Variants in DDX10 observed in about 807,000 individuals in gnomAD.
DDX10 encodes the protein DEAD-box helicase 10.
DDX10 carries 74 observed loss-of-function variants against 104.3 expected under a neutral mutation model. That is an observed-to-expected ratio of 0.71 (90% confidence interval 0.59 to 0.86). The LOEUF (loss-of-function observed/expected upper bound fraction) is 0.86, where lower values mean the gene tolerates loss of function less well. DDX10 is among the 40% of genes least tolerant of loss of function. The pLI is 0.00. For synonymous variants in DDX10, 351 were observed against 353.4 expected (o/e 0.99, Z 0.08); for missense variants, 952 against 1,040.0 (o/e 0.92, Z 1.16).
intron 13 of DDX10, among the ~76,000 whole-genome samples, chr11:108,784,918 G>T (rs1261434480): frequency 6.6e-6 from 1 of 152,162 alleles, no homozygotes; most frequent in Non-Finnish European, 1.5e-5. Flanking sequence ...TGGCTAGCCA[G>T]TTACTCTGGT....
chr11:108,707,502 A>G (rs978304406), intron 10 of DDX10, among the ~76,000 whole-genome samples: 2 of 152,238 alleles, frequency 1.3e-5, no homozygotes, highest in East Asian at 1.9e-4. Flanking sequence ...AACAGTTTTT[A>G]TTCACCTACT....
At chr11:108,876,907 A>G (rs1187831716) in intron 16 of DDX10, among the ~76,000 whole-genome samples, 4 of 152,290 alleles carry the variant, frequency 2.6e-5, no homozygotes, top group Admixed American at 1.3e-4. Context: ...CACTACTACT[A>G]GTAGTGTCCA....
intron 17 of DDX10, among the ~76,000 whole-genome samples, chr11:108,935,781 T>C (rs1864029702): frequency 6.6e-6 from 1 of 152,222 alleles, no homozygotes; most frequent in Non-Finnish European, 1.5e-5. Context: ...CTTTTGTGTA[T>C]CCATTTTCAC....
chr11:108,881,219 A>C (rs1425779518), intron 16 of DDX10, among the ~76,000 whole-genome samples: 6 of 152,128 alleles, frequency 3.9e-5, no homozygotes, highest in Non-Finnish European at 8.8e-5. Context: ...CCTCCCCTCC[A>C]AGATGGGGAG....
intron 10 of DDX10, among the ~76,000 whole-genome samples, chr11:108,707,114 T>A (rs2094277216): frequency 6.6e-6 from 1 of 152,176 alleles, no homozygotes; most frequent in South Asian, 2.1e-4. Context: ...CCTATGTTGA[T>A]GTTATTCACC....
At chr11:108,798,954 G>A (rs1256275654) in intron 13 of DDX10, among the ~76,000 whole-genome samples, 1 of 152,022 alleles carries the variant, frequency 6.6e-6, no homozygotes, top group Non-Finnish European at 1.5e-5. Flanking sequence ...TATCTTTTTG[G>A]AGTTCTGTTA....
rs1248197271 is a variant in DDX10, at chr11:108,673,637, A to T, written c.247+110A>T. 4.1e-6 allele frequency: 3 copies of T among 730,810 alleles called. No homozygotes were observed. In the Admixed American group the frequency reaches 8.5e-5, roughly 21 times the overall value. 45.3% of individuals were successfully genotyped at this position (730,810 alleles called of 1,614,324 possible). A position where few individuals can be genotyped will look rare whatever the true frequency, so the allele number is the denominator to read the frequency against. On this transcript the variant is annotated intron_variant, in intron 2 of 17. Transcript: ENST00000322536. Reference sequence around the variant, plus strand: ...AAAAATCTTATTTTGGCAAATTTTGATATCATGAAAACCAATGAAAATAAG... The same window carrying T: ...AAAAATCTTATTTTGGCAAATTTTGTTATCATGAAAACCAATGAAAATAAG...
chr11:108,699,277 A>G (rs2094264149), intron 9 of DDX10, among the ~76,000 whole-genome samples: 1 of 152,202 alleles, frequency 6.6e-6, no homozygotes, highest in Non-Finnish European at 1.5e-5. Context: ...GTTTAAAGCA[A>G]TAACCATTTA....
chr11:108,736,711 C>A (rs1042598846), intron 13 of DDX10, among the ~76,000 whole-genome samples: 1 of 152,130 alleles, frequency 6.6e-6, no homozygotes, highest in Non-Finnish European at 1.5e-5. Flanking sequence ...TGCCCTCTGC[C>A]TTCTGCCATG....
At chr11:108,867,043 T>A (rs1013062556) in intron 16 of DDX10, among the ~76,000 whole-genome samples, 1 of 152,194 alleles carries the variant, frequency 6.6e-6, no homozygotes, top group African/African-American at 2.4e-5. Flanking sequence ...GTGAAAGTTC[T>A]TTCATAATAA....
intron 16 of DDX10, among the ~76,000 whole-genome samples, chr11:108,881,292 A>T (rs978502036): frequency 1.3e-5 from 2 of 152,148 alleles, no homozygotes; most frequent in Non-Finnish European, 2.9e-5. Flanking sequence ...TTTCTCATAG[A>T]TCTACTTAGT....
chr11:108,738,936 T>C (rs1383868356), intron 13 of DDX10, among the ~76,000 whole-genome samples: 1 of 152,048 alleles, frequency 6.6e-6, no homozygotes, highest in Non-Finnish European at 1.5e-5. Flanking sequence ...GTCCACAGAG[T>C]GGGTTTGTGT....
intron 13 of DDX10, among the ~76,000 whole-genome samples, chr11:108,780,257 G>T (rs1325076149): frequency 6.6e-6 from 1 of 152,154 alleles, no homozygotes; most frequent in Non-Finnish European, 1.5e-5. Context: ...TATGAATAGA[G>T]CACAGGACAG....
chr11:108,884,489 C>G (rs750836848), intron 16 of DDX10, among the ~76,000 whole-genome samples: 1 of 152,120 alleles, frequency 6.6e-6, no homozygotes, highest in Non-Finnish European at 1.5e-5. Context: ...TACCAATTAC[C>G]TGCTAATTAA....
chr11:108,746,158 G>T, intron 13 of DDX10, among the ~76,000 whole-genome samples: 1 of 152,100 alleles, frequency 6.6e-6, no homozygotes, highest in East Asian at 1.9e-4. Context: ...AATAATGAGG[G>T]CTAATGAAAC....
intron 15 of DDX10, among the ~76,000 whole-genome samples, chr11:108,845,094 G>C (rs1862696178): frequency 6.6e-6 from 1 of 152,066 alleles, no homozygotes; most frequent in Non-Finnish European, 1.5e-5. Flanking sequence ...TGTAGTCCCA[G>C]CTACTCCGGA....
At chr11:108,841,509 A>G (rs1331670842) in intron 15 of DDX10, 33 bp downstream of exon 15, 1 of 1,597,726 alleles carries the variant, frequency 6.3e-7, no homozygotes, top group Non-Finnish European at 8.6e-7. Flanking sequence ...ATACTGAGTA[A>G]AATTTAGTGT....
chr11:108,863,733 A>G lies in DDX10; in HGVS notation c.2304+11524A>G, dbSNP rs140613577. Among the ~76,000 whole-genome samples the G allele has an allele frequency of 2.5e-3, 375 of 152,236 alleles. 1 individual carries two copies. Among genetic ancestry groups the G allele is most frequent in the African/African-American group, 8.6e-3 (358 of 41,534 alleles). ...CCCCACTCAGTAGAGCTAGTACATG[A>G]TGTTTTTGTGGTTGGTACTTTGAGG... On this transcript the variant is annotated intron_variant, in intron 16 of 17. Transcript: ENST00000322536.
chr11:108,770,489 TC>T (rs1400406385), intron 13 of DDX10, among the ~76,000 whole-genome samples: 1 of 40,932 alleles, frequency 2.4e-5, no homozygotes, highest in Admixed American at 2.2e-4. Context: ...CCATCCCCCC[TC>T]CCCCCTCCCC....
Sources: allele counts gnomAD v4.1 joint callset (sites outside exome capture counted in the v4.1 genomes callset), GRCh38; gene constraint gnomAD v4.1.1; transcripts MANE v1.5; gene names NCBI Gene and HGNC (gene_info 2026-07-23, HGNC 2026-07-21).